TRHDE: variants seen among roughly 807,000 people sequenced by gnomAD.
The protein encoded by TRHDE is thyrotropin-releasing hormone-degrading ectoenzyme.
In TRHDE, 72 loss-of-function variants were observed where a neutral mutation model predicts 125.7. The ratio of observed to expected loss-of-function variants is 0.57; its 90% CI spans 0.47 to 0.70. TRHDE has a LOEUF of 0.70. Ranked by LOEUF, TRHDE falls within the 30% of genes least tolerant of loss-of-function variation. The pLI, the probability that TRHDE is intolerant of heterozygous loss-of-function variation, is 0.00. For missense variants in TRHDE, 1,110 were observed against 1,327.1 expected (o/e 0.84, Z 2.54); for synonymous variants, 509 against 509.1 (o/e 1.00, Z 0.00).
At chr12:72,590,757 T>A (rs1213321481) in intron 12 of TRHDE, among the ~76,000 whole-genome samples, 4 of 152,194 alleles carry the variant, frequency 2.6e-5, no homozygotes, top group African/African-American at 7.2e-5. Flanking sequence ...TAAAAAATTT[T>A]TATTCTCACA....
At chr12:72,291,395 G>C (rs764926826) in intron 2 of TRHDE, among the ~76,000 whole-genome samples, 1 of 152,224 alleles carries the variant, frequency 6.6e-6, no homozygotes, top group Non-Finnish European at 1.5e-5. Flanking sequence ...AATTATGGAT[G>C]AATGGCCGCT....
At chr12:72,234,216 G>A (rs1243305709) in intron 2 of TRHDE, among the ~76,000 whole-genome samples, 1 of 152,014 alleles carries the variant, frequency 6.6e-6, no homozygotes, top group Admixed American at 6.6e-5. Flanking sequence ...GTCGAGTATA[G>A]CCTTGTAATT....
intron 2 of TRHDE, among the ~76,000 whole-genome samples, chr12:72,243,353 C>A (rs920183859): frequency 2.6e-5 from 4 of 152,076 alleles, no homozygotes; most frequent in African/African-American, 9.7e-5. Flanking sequence ...CTTCTATTGT[C>A]ATCTATTTTC....
At chr12:72,533,465 G>A (rs985307741) in intron 6 of TRHDE, among the ~76,000 whole-genome samples, 2 of 152,062 alleles carry the variant, frequency 1.3e-5, no homozygotes, top group African/African-American at 4.8e-5. Flanking sequence ...GAGCCACCAT[G>A]CCCAGCTGAA....
chr12:72,615,132 C>CTT lies in TRHDE; in HGVS notation c.2322-3757_2322-3756dup, dbSNP rs1333791482. Among the ~76,000 whole-genome samples, 3 of 152,036 alleles carry CTT rather than the reference C, an allele frequency of 2.0e-5. No individual in the cohort carries two copies. In the East Asian group the frequency reaches 5.8e-4, roughly 29 times the overall value. ...ATTTGCCTCTTTCTCATTGTTTTTT[C>CTT]TTTGATTCCCAAATCATCTCTTATG... On this transcript the variant is annotated intron_variant, in intron 12 of 18. Coordinates refer to ENST00000261180, the MANE Select transcript of TRHDE (RefSeq NM_013381.3).
chr12:72,278,655 T>G (rs752073944), intron 1 of TRHDE, among the ~76,000 whole-genome samples: 1 of 152,184 alleles, frequency 6.6e-6, no homozygotes, highest in East Asian at 1.9e-4. Flanking sequence ...CAGGTGTGAG[T>G]TGACATCTCA....
chr12:72,648,735 C>T (rs1408038249), intron 15 of TRHDE, among the ~76,000 whole-genome samples: 1 of 151,654 alleles, frequency 6.6e-6, no homozygotes, highest in Admixed American at 6.6e-5. Context: ...TCACTTGAGG[C>T]CAAGAGTTTG....
intron 7 of TRHDE, among the ~76,000 whole-genome samples, chr12:72,547,989 AAG>A (rs1253288421): frequency 6.6e-6 from 1 of 151,852 alleles, no homozygotes; most frequent in Non-Finnish European, 1.5e-5. Context: ...ACAAGCTAGC[AAG>A]ATCACTCATG....
At chr12:72,380,029 C>T (rs1592403354) in intron 3 of TRHDE, among the ~76,000 whole-genome samples, 1 of 152,134 alleles carries the variant, frequency 6.6e-6, no homozygotes, top group Non-Finnish European at 1.5e-5. Context: ...TTCCATTATA[C>T]ATTATGAATC....
chr12:72,426,027 G>A (rs1874170735), intron 3 of TRHDE, among the ~76,000 whole-genome samples: 2 of 152,080 alleles, frequency 1.3e-5, no homozygotes, highest in Admixed American at 1.3e-4. Flanking sequence ...AATGGTGGCA[G>A]GGATGATGCT....
chr12:72,571,142 A>G (rs1870714812), intron 10 of TRHDE, among the ~76,000 whole-genome samples: 1 of 152,154 alleles, frequency 6.6e-6, no homozygotes, highest in Admixed American at 6.5e-5. Flanking sequence ...TTTAACAGCA[A>G]ACAAAAATTA....
chr12:72,273,480 G>A lies in TRHDE; in HGVS notation c.837G>A (p.Lys279=). ...TLDAQRNYNL[K]IIYNALIENE... ...ACGCGCAGAGGAATTACAATCTGAA[G>A]ATTATCTACAACGCGCTCATCGAGA... Residue 279 remains lysine, a synonymous_variant, in exon 1 of 19, where the codon AAG becomes AAA. Transcript: ENST00000261180. The surrounding 1 kb of genome is among the most constrained non-coding windows in gnomAD (Gnocchi z 5.3). 1 of 1,613,436 alleles carries A rather than the reference G, an allele frequency of 6.2e-7. No individual in the cohort carries two copies. The highest frequency in any genetic ancestry group is 2.2e-5 in the East Asian group (1 of 44,830).
At chr12:72,102,127 A>G (rs1489123542) in intron 1 of TRHDE, among the ~76,000 whole-genome samples, 1 of 151,968 alleles carries the variant, frequency 6.6e-6, no homozygotes, top group Admixed American at 6.6e-5. Flanking sequence ...GACTTGGTGC[A>G]AATTATGCTT....
intron 5 of TRHDE, among the ~76,000 whole-genome samples, chr12:72,487,873 A>G (rs1877484277): frequency 6.6e-6 from 1 of 152,118 alleles, no homozygotes; most frequent in Non-Finnish European, 1.5e-5. Context: ...TGACATTAAA[A>G]ACCTAAACTG....
intron 15 of TRHDE, among the ~76,000 whole-genome samples, chr12:72,630,880 T>C (rs1873465937): frequency 6.9e-6 from 1 of 145,088 alleles, no homozygotes; most frequent in Non-Finnish European, 1.5e-5. Flanking sequence ...TCCCTAAAAT[T>C]CATAGCAAAA....
At chr12:72,652,601 A>G (rs1874549889) in intron 16 of TRHDE, 112 bp downstream of exon 16, 2 of 732,290 alleles carry the variant, frequency 2.7e-6, no homozygotes, top group East Asian at 3.1e-5. Flanking sequence ...TTTAAAATAT[A>G]TCTTCCTAAA....
chr12:72,316,501 C>G (rs1868810247), intron 2 of TRHDE, among the ~76,000 whole-genome samples: 1 of 152,166 alleles, frequency 6.6e-6, no homozygotes, highest in Non-Finnish European at 1.5e-5. Flanking sequence ...AAATGGAACA[C>G]CACCAGCACC....
chr12:72,369,926 T>G (rs1871501766), intron 2 of TRHDE, among the ~76,000 whole-genome samples: 1 of 152,106 alleles, frequency 6.6e-6, no homozygotes, highest in Admixed American at 6.6e-5. Flanking sequence ...ATAACTATGT[T>G]TATGAAGATT....
At chr12:72,604,649 T>G (rs1016618000) in intron 12 of TRHDE, among the ~76,000 whole-genome samples, 1 of 152,050 alleles carries the variant, frequency 6.6e-6, no homozygotes, top group African/African-American at 2.4e-5. Context: ...AATTCTTATT[T>G]TGTCACTTTA....
Sources: allele counts gnomAD v4.1 joint callset (sites outside exome capture counted in the v4.1 genomes callset), GRCh38; gene constraint gnomAD v4.1.1; non-coding constraint Gnocchi (gnomAD v3.1); transcripts MANE v1.5; gene names NCBI Gene and HGNC (gene_info 2026-07-23, HGNC 2026-07-21).